Variants in ENTREP2 observed in about 807,000 individuals in gnomAD.
ENTREP2 encodes the protein protein ENTREP2.
the ENTREP2 span, among the ~76,000 whole-genome samples, chr15:29,649,310 G>A: frequency 6.6e-6 from 1 of 152,206 alleles, no homozygotes; most frequent in Non-Finnish European, 1.5e-5. Flanking sequence ...AACAAAGGAA[G>A]TGCACTTTTC....
chr15:29,206,975 G>A, the ENTREP2 span, among the ~76,000 whole-genome samples: 6 of 152,054 alleles, frequency 3.9e-5, no homozygotes, highest in East Asian at 7.7e-4. Flanking sequence ...TGTCTCCCCG[G>A]CATAAACTCA....
chr15:29,262,346 GAA>G, the ENTREP2 span, among the ~76,000 whole-genome samples: 3 of 152,176 alleles, frequency 2.0e-5, no homozygotes, highest in African/African-American at 2.4e-5. Flanking sequence ...CCTCATTTCA[GAA>G]AAGAGTCCTG....
the ENTREP2 span, among the ~76,000 whole-genome samples, chr15:29,600,679 C>T: frequency 1.3e-5 from 2 of 151,876 alleles, no homozygotes; most frequent in African/African-American, 4.8e-5. Context: ...GCTATATTGC[C>T]GGGGCCAGTC....
At chr15:29,120,091 T>C in the ENTREP2 span, among the ~76,000 whole-genome samples, 1 of 152,154 alleles carries the variant, frequency 6.6e-6, no homozygotes, top group Non-Finnish European at 1.5e-5. Context: ...GCCCCGGAGT[T>C]GACCCTCTCC....
chr15:29,176,283 T>TG, the ENTREP2 span, among the ~76,000 whole-genome samples: 9 of 151,982 alleles, frequency 5.9e-5, no homozygotes, highest in South Asian at 2.1e-4. Context: ...GGATGAGTGG[T>TG]GGGGGGGCAC....
the ENTREP2 span, among the ~76,000 whole-genome samples, chr15:29,583,879 A>G: frequency 6.6e-6 from 1 of 152,154 alleles, no homozygotes; most frequent in Non-Finnish European, 1.5e-5. Context: ...CATATACAAC[A>G]ATTAACTCAA....
At chr15:29,492,940 G>T in the ENTREP2 span, among the ~76,000 whole-genome samples, 1 of 151,154 alleles carries the variant, frequency 6.6e-6, no homozygotes, top group African/African-American at 2.4e-5. Flanking sequence ...GGAAGCGGAG[G>T]TTGCAGTGAG....
At chr15:29,657,664 T>C in the ENTREP2 span, among the ~76,000 whole-genome samples, 1 of 152,074 alleles carries the variant, frequency 6.6e-6, no homozygotes, top group Non-Finnish European at 1.5e-5. Context: ...TGGTGCGTTT[T>C]ACAGAGCGCC....
At chr15:29,609,827 A>G in the ENTREP2 span, 4 of 150,566 alleles carry the variant, frequency 2.7e-5, 1 homozygote, top group African/African-American at 9.7e-5. Flanking sequence ...TTCAATAAGG[A>G]TATGAACACA....
At chr15:29,285,850 A>G in the ENTREP2 span, among the ~76,000 whole-genome samples, 169 of 152,338 alleles carry the variant, frequency 1.1e-3, no homozygotes, top group Middle Eastern at 3.4e-3. Flanking sequence ...ATTCAGCTTG[A>G]GCAAGCTGAG....
chr15:29,507,732 T>A, the ENTREP2 span, among the ~76,000 whole-genome samples: 1 of 152,142 alleles, frequency 6.6e-6, no homozygotes, highest in African/African-American at 2.4e-5. Flanking sequence ...CGTACCAGAA[T>A]CTCTGGGACA....
the ENTREP2 span, among the ~76,000 whole-genome samples, chr15:29,179,284 A>G: frequency 1.3e-5 from 2 of 152,240 alleles, no homozygotes; most frequent in Admixed American, 6.5e-5. Context: ...AGAACACTAA[A>G]TGTGGTGAGT....
the ENTREP2 span, among the ~76,000 whole-genome samples, chr15:29,523,949 A>T: frequency 1.8e-4 from 27 of 152,306 alleles, no homozygotes; most frequent in South Asian, 5.2e-3. Flanking sequence ...AAAGATATAG[A>T]TGTAAATTTT....
the ENTREP2 span, among the ~76,000 whole-genome samples, chr15:29,353,223 A>G: frequency 6.6e-6 from 1 of 152,126 alleles, no homozygotes; most frequent in Non-Finnish European, 1.5e-5. Context: ...TAGGTGATTG[A>G]AAAGGTTTTT....
At chr15:29,629,697 G>A in the ENTREP2 span, among the ~76,000 whole-genome samples, 2 of 152,126 alleles carry the variant, frequency 1.3e-5, no homozygotes, top group African/African-American at 2.4e-5. Context: ...ATAAGGAGAA[G>A]GATAGTCTAT....
the ENTREP2 span, among the ~76,000 whole-genome samples, chr15:29,241,204 G>A: frequency 6.6e-6 from 1 of 152,166 alleles, no homozygotes. Context: ...GCCTGCGATA[G>A]CAAAACAGAG....
the ENTREP2 span, among the ~76,000 whole-genome samples, chr15:29,469,034 G>C: frequency 4.6e-5 from 7 of 152,148 alleles, no homozygotes; most frequent in Non-Finnish European, 5.9e-5. Context: ...GGATAAGGCT[G>C]GAAGAGCATC....
chr15:29,134,153 A>G, the ENTREP2 span, among the ~76,000 whole-genome samples: 1 of 152,180 alleles, frequency 6.6e-6, no homozygotes, highest in African/African-American at 2.4e-5. Context: ...CTCCACTGAT[A>G]ACATTGATTT....
At chr15:29,665,912 G>C in the ENTREP2 span, among the ~76,000 whole-genome samples, 2 of 147,148 alleles carry the variant, frequency 1.4e-5, no homozygotes, top group Non-Finnish European at 3.0e-5. Flanking sequence ...GGAGTGCAGT[G>C]GTGCGATCTT....
Sources: gnomAD v4.1 joint callset for allele counts (sites outside exome capture counted in the v4.1 genomes callset) on GRCh38, gnomAD v4.1.1 for gene constraint, MANE v1.5 for transcripts, NCBI Gene and HGNC (gene_info 2026-07-23, HGNC 2026-07-21) for gene names.